FGF13: variants seen among roughly 807,000 people sequenced by gnomAD.
The protein encoded by FGF13 is fibroblast growth factor 13.
In FGF13, 2 loss-of-function variants were observed where a neutral mutation model predicts 19.5. The observed-to-expected ratio is 0.10, with a 90% CI of 0.04 to 0.32. The LOEUF (loss-of-function observed/expected upper bound fraction) is 0.32, where lower values mean the gene tolerates loss of function less well. FGF13 is among the 10% of genes least tolerant of loss of function. The pLI is 1.00. For missense variants in FGF13, 113 were observed against 192.7 expected (o/e 0.59, Z 2.45); for synonymous variants, 72 against 76.9 (o/e 0.94, Z 0.33).
intron 3 of FGF13, among the ~76,000 whole-genome samples, chrX:138,789,807 A>T (rs1266234099): frequency 9.2e-6 from 1 of 108,325 alleles, no homozygotes; most frequent in Admixed American, 9.9e-5. Context: ...GCACTGTGGG[A>T]GGCCGAGGCG....
At position 138,619,093 on chromosome X, in the gene FGF13, T is replaced by C. The variant is rs1284537116; in HGVS notation, c.*13757A>G. 1 of 99,398 alleles carries C rather than the reference T, an allele frequency of 1.0e-5. No homozygotes were observed. The highest frequency in any genetic ancestry group is 1.1e-4 in the Admixed American group (1 of 9,396). The allele number at this position is 99,398 out of a possible 1,213,427, so 8.2% of individuals were successfully genotyped here. On this transcript the variant is annotated 3_prime_UTR_variant, in exon 5 of 5. Coordinates refer to ENST00000315930, the MANE Select transcript of FGF13 (RefSeq NM_004114.5). ...TTTTCCAGTTGCCAACAAAAAAAAATGGAGATCTACAAATTTCCTGACAAA... is the reference window on the plus strand; with the variant it reads ...TTTTCCAGTTGCCAACAAAAAAAAACGGAGATCTACAAATTTCCTGACAAA...
chrX:138,767,309 A>G (rs2090509618), intron 3 of FGF13, among the ~76,000 whole-genome samples: 1 of 111,782 alleles, frequency 8.9e-6, no homozygotes, highest in African/African-American at 3.3e-5. Flanking sequence ...CACATAGCCC[A>G]TTTTGCAGAA....
At chrX:138,959,052 G>A (rs1030434209) in intron 1 of FGF13, among the ~76,000 whole-genome samples, 38 of 111,290 alleles carry the variant, frequency 3.4e-4, no homozygotes, top group African/African-American at 1.2e-3. Context: ...GTAATTTCTT[G>A]CCTTCTGCTA....
intron 1 of FGF13, among the ~76,000 whole-genome samples, chrX:139,174,827 T>C (rs373216591): frequency 8.9e-6 from 1 of 112,172 alleles, no homozygotes; most frequent in Admixed American, 9.4e-5. Context: ...AGTCAGGTAG[T>C]GTGATGCCTC....
chrX:138,988,433 T>C (rs1266495868), intron 1 of FGF13, among the ~76,000 whole-genome samples: 1 of 112,497 alleles, frequency 8.9e-6, no homozygotes, highest in African/African-American at 3.2e-5. Flanking sequence ...GCTATTATCA[T>C]AGGCTCCTCA....
chrX:138,645,742 G>T (rs1301939716), intron 3 of FGF13, among the ~76,000 whole-genome samples: 1 of 112,376 alleles, frequency 8.9e-6, no homozygotes, highest in African/African-American at 3.2e-5. Context: ...TTCCATTTCT[G>T]TGAGGGGCTA....
At chrX:138,944,371 G>A (rs1317372681) in intron 1 of FGF13, among the ~76,000 whole-genome samples, 1 of 110,835 alleles carries the variant, frequency 9.0e-6, no homozygotes, top group Non-Finnish European at 1.9e-5. Context: ...CTAAGATCAA[G>A]CTGACCCTAG....
intron 3 of FGF13, among the ~76,000 whole-genome samples, chrX:138,649,491 CT>C (rs938561574): frequency 9.9e-5 from 11 of 111,605 alleles, no homozygotes; most frequent in African/African-American, 3.6e-4. Context: ...GATATACATT[CT>C]TTTCCTCTCC....
intron 1 of FGF13, among the ~76,000 whole-genome samples, chrX:139,015,656 T>G (rs1055127748): frequency 9.0e-6 from 1 of 111,234 alleles, no homozygotes; most frequent in African/African-American, 3.3e-5. Context: ...ACAGACTCAA[T>G]GCAATCTCTA....
Position 139,072,695 on chromosome X carries a change from G to A in FGF13, c.-113+130721C>T, listed in dbSNP as rs1184789108. 1.4e-4 allele frequency among the ~76,000 whole-genome samples: 16 copies of A among 111,391 alleles called. No individual in the cohort carries two copies. In the Admixed American group the frequency reaches 1.5e-3, roughly 11 times the overall value. ...TGCAGTTTCACTACAATATGTCTAG[G>A]TTTATTTGTTTTTGTTACTCTGCTT... On this transcript the variant is annotated intron_variant, in intron 1 of 2. Transcript: ENST00000421460.
At chrX:138,888,258 T>A (rs2091460581) in intron 1 of FGF13, among the ~76,000 whole-genome samples, 1 of 112,050 alleles carries the variant, frequency 8.9e-6, no homozygotes, top group African/African-American at 3.2e-5. Context: ...GTCCTATTAT[T>A]TATCAGGAAA....
At chrX:139,159,655 C>CAAAAAAAAAA (rs550001786) in intron 1 of FGF13, among the ~76,000 whole-genome samples, 14 of 51,643 alleles carry the variant, frequency 2.7e-4, no homozygotes, top group South Asian at 1.4e-3. Context: ...AAAGAGAAAG[C>CAAAAAAAAAA]AAAAAAAAAA....
chrX:139,019,737 T>C (rs897202112), intron 1 of FGF13, among the ~76,000 whole-genome samples: 1 of 110,610 alleles, frequency 9.0e-6, no homozygotes, highest in African/African-American at 3.3e-5. Context: ...ATATGATGTG[T>C]ATATGTGTGT....
intron 3 of FGF13, among the ~76,000 whole-genome samples, chrX:138,648,748 G>A (rs778742001): frequency 1.8e-5 from 2 of 111,682 alleles, no homozygotes; most frequent in African/African-American, 6.5e-5. Flanking sequence ...CACTATGCAC[G>A]CAATTCTTTG....
chrX:139,160,364 A>G (rs1046615161), intron 1 of FGF13, among the ~76,000 whole-genome samples: 7 of 112,261 alleles, frequency 6.2e-5, no homozygotes, highest in African/African-American at 2.3e-4. Flanking sequence ...AATTTATAGC[A>G]CTGAATGCCC....
At chrX:139,084,693 T>C (rs146276128) in intron 1 of FGF13, among the ~76,000 whole-genome samples, 4 of 112,067 alleles carry the variant, frequency 3.6e-5, no homozygotes, top group African/African-American at 6.5e-5. Context: ...CAGAAAAACA[T>C]TGGTCCTGGG....
In FGF13 at chrX:138,799,536, G is replaced by A. The variant is rs935126100; in HGVS notation, c.217+57976C>T. 5.1e-4 allele frequency among the ~76,000 whole-genome samples: 57 copies of A among 111,494 alleles called. 1 individual carries two copies. Among genetic ancestry groups the A allele is most frequent in the Non-Finnish European group, 3.0e-4 (16 of 53,129 alleles). ...TGGTGCTGAGAAGAATGTATATTTT[G>A]TTGATCTGGGGTGGAGAGTTCTGTT... is the stretch of plus-strand genomic sequence containing the variant. On this transcript the variant is annotated intron_variant, in intron 3 of 6. Transcript: ENST00000436198.
chrX:139,038,720 A>G (rs1176022726), intron 1 of FGF13, among the ~76,000 whole-genome samples: 1 of 111,539 alleles, frequency 9.0e-6, no homozygotes, highest in African/African-American at 3.3e-5. Context: ...AAATTAAACA[A>G]CCATTATTCT....
At chrX:138,643,978 T>C (rs2089278731) in intron 3 of FGF13, among the ~76,000 whole-genome samples, 1 of 112,246 alleles carries the variant, frequency 8.9e-6, no homozygotes, top group African/African-American at 3.2e-5. Context: ...GGCAGTCCTC[T>C]TCTCTGTACT....
Sources: allele counts gnomAD v4.1 joint callset (sites outside exome capture counted in the v4.1 genomes callset), GRCh38; gene constraint gnomAD v4.1.1; transcripts MANE v1.5; gene names NCBI Gene and HGNC (gene_info 2026-07-23, HGNC 2026-07-21).